The following NEGR1 variants were observed in gnomAD, a reference collection of about 807,000 sequenced individuals.
The protein encoded by NEGR1 is IgLON family member 4.
In NEGR1, 10 loss-of-function variants were observed where a neutral mutation model predicts 40.9. That is an observed-to-expected ratio of 0.24 (90% CI 0.15 to 0.42). The LOEUF (loss-of-function observed/expected upper bound fraction) is 0.42, where lower values mean the gene tolerates loss of function less well. Among genes scored for constraint, NEGR1 ranks in the 10% least tolerant of loss-of-function variants. NEGR1 has a pLI of 1.00. For synonymous variants in NEGR1, 185 were observed against 166.8 expected (o/e 1.11, Z -0.84); for missense variants, 352 against 438.9 (o/e 0.80, Z 1.77).
intron 6 of NEGR1, among the ~76,000 whole-genome samples, chr1:71,563,859 G>A (rs1023804213): frequency 7.9e-5 from 12 of 151,764 alleles, no homozygotes; most frequent in African/African-American, 2.4e-4. Context: ...GTCCTAGCAG[G>A]TTGACACAAT....
At chr1:71,656,173 T>C (rs1442106379) in intron 4 of NEGR1, among the ~76,000 whole-genome samples, 4 of 152,132 alleles carry the variant, frequency 2.6e-5, no homozygotes, top group South Asian at 4.1e-4. Flanking sequence ...TCTGCACTGT[T>C]AGTTTTAAGT....
intron 1 of NEGR1, among the ~76,000 whole-genome samples, chr1:72,057,391 T>C (rs1361100770): frequency 6.6e-6 from 1 of 151,604 alleles, no homozygotes; most frequent in Non-Finnish European, 1.5e-5. Flanking sequence ...TGGATTCTCA[T>C]ACATTTAAAT....
intron 2 of NEGR1, among the ~76,000 whole-genome samples, chr1:71,803,303 A>G (rs1190325946): frequency 6.6e-6 from 1 of 152,160 alleles, no homozygotes; most frequent in Admixed American, 6.6e-5. Context: ...GAAGAAAGAT[A>G]CCACCAGAAA....
chr1:72,047,023 TA>T (rs1647008909), intron 1 of NEGR1, among the ~76,000 whole-genome samples: 1 of 151,628 alleles, frequency 6.6e-6, no homozygotes, highest in African/African-American at 2.4e-5. Flanking sequence ...AAGAAAAGAT[TA>T]ACCACCCTTT....
chr1:72,031,987 A>G (rs1646862450), intron 1 of NEGR1, among the ~76,000 whole-genome samples: 1 of 152,226 alleles, frequency 6.6e-6, no homozygotes, highest in African/African-American at 2.4e-5. Flanking sequence ...TTTTCTCCAG[A>G]TTTAATGACA....
intron 1 of NEGR1, among the ~76,000 whole-genome samples, chr1:72,034,252 A>G (rs2100444452): frequency 6.6e-6 from 1 of 152,336 alleles, no homozygotes; most frequent in Admixed American, 6.5e-5. Flanking sequence ...CAGGTGTGTT[A>G]CTTCCCTGTA....
intron 1 of NEGR1, among the ~76,000 whole-genome samples, chr1:72,038,973 A>C (rs556065671): frequency 1.5e-4 from 23 of 152,040 alleles, no homozygotes; most frequent in Non-Finnish European, 2.8e-4. Flanking sequence ...ATGTGAGTAC[A>C]TGAAAAAGAA....
intron 2 of NEGR1, among the ~76,000 whole-genome samples, chr1:71,867,606 TTA>T (rs1660156581): frequency 1.3e-5 from 2 of 152,204 alleles, no homozygotes. Context: ...ACTAAGACTG[TTA>T]TGATTAGAAT....
intron 1 of NEGR1, among the ~76,000 whole-genome samples, chr1:72,120,334 A>T (rs901147137): frequency 1.3e-5 from 2 of 152,036 alleles, no homozygotes; most frequent in African/African-American, 4.8e-5. Flanking sequence ...CTGCTGAAAT[A>T]GAATATTTTT....
At chr1:71,586,125 C>T (rs902197108) in intron 6 of NEGR1, among the ~76,000 whole-genome samples, 8 of 152,076 alleles carry the variant, frequency 5.3e-5, no homozygotes, top group East Asian at 1.9e-4. Context: ...TGGATCTGCT[C>T]GATTCAAAGC....
At chr1:71,820,540 C>A (rs1658390320) in intron 2 of NEGR1, among the ~76,000 whole-genome samples, 1 of 151,950 alleles carries the variant, frequency 6.6e-6, no homozygotes, top group Non-Finnish European at 1.5e-5. Context: ...TCATCATGGT[C>A]TCCTTGTTAG....
chr1:71,411,162 A>G (rs752027937), intron 6 of NEGR1, among the ~76,000 whole-genome samples: 10 of 152,156 alleles, frequency 6.6e-5, no homozygotes, highest in East Asian at 1.9e-4. Flanking sequence ...CTACAAACCT[A>G]TAAGGAGACA....
intron 6 of NEGR1, among the ~76,000 whole-genome samples, chr1:71,489,343 C>T (rs1027091276): frequency 2.0e-5 from 3 of 151,784 alleles, no homozygotes; most frequent in African/African-American, 7.3e-5. Flanking sequence ...TAATTCGTGG[C>T]CCTCCAGTGT....
intron 6 of NEGR1, among the ~76,000 whole-genome samples, chr1:71,529,092 A>T (rs1647284402): frequency 6.6e-6 from 1 of 151,242 alleles, no homozygotes; most frequent in Admixed American, 6.6e-5. Context: ...TTATTTTCAG[A>T]ATAAAAATTT....
chr1:71,685,323 C>CTTTT (rs10667208), intron 4 of NEGR1, among the ~76,000 whole-genome samples: 10 of 136,638 alleles, frequency 7.3e-5, no homozygotes, highest in Non-Finnish European at 1.6e-4. Flanking sequence ...ATTGACATTA[C>CTTTT]TTTTTTTTTT....
At position 71,950,369 on chromosome 1, in the gene NEGR1, A is replaced by G. The variant is rs182377314; in HGVS notation, c.177-15058T>C. On this transcript the variant is annotated intron_variant, in intron 1 of 6. Transcript: ENST00000357731. ...TATAATAAATGCATGGGAATTATAA[A>G]TTAGAGAAGAAGGAAAGAAAAAAGA... 3.0e-3 allele frequency among the ~76,000 whole-genome samples: 451 copies of G among 152,210 alleles called. 2 individuals are homozygous for G. Among genetic ancestry groups the G allele is most frequent in the African/African-American group, 0.01 (428 of 41,582 alleles).
intron 3 of NEGR1, among the ~76,000 whole-genome samples, chr1:71,715,789 C>T (rs1313369168): frequency 1.3e-5 from 2 of 152,182 alleles, no homozygotes; most frequent in East Asian, 1.9e-4. Context: ...TCACTATTAG[C>T]ATTTTGGTCA....
chr1:72,053,561 G>C (rs1385224444), intron 1 of NEGR1, among the ~76,000 whole-genome samples: 1 of 150,664 alleles, frequency 6.6e-6, no homozygotes, highest in Non-Finnish European at 1.5e-5. Context: ...AGTCATGCTT[G>C]GCTCTAGATA....
intron 1 of NEGR1, among the ~76,000 whole-genome samples, chr1:72,089,226 A>T (rs1258626719): frequency 3.9e-5 from 6 of 152,116 alleles, no homozygotes; most frequent in African/African-American, 1.4e-4. Context: ...TGGAGCCATG[A>T]TGGAACCACT....
Sources: allele counts gnomAD v4.1 joint callset (sites outside exome capture counted in the v4.1 genomes callset), GRCh38; gene constraint gnomAD v4.1.1; transcripts MANE v1.5; gene names NCBI Gene and HGNC (gene_info 2026-07-23, HGNC 2026-07-21).